Variants in FGF14 observed in about 807,000 individuals in gnomAD.
FGF14 encodes fibroblast growth factor homologous factor 4.
A neutral mutation model predicts 25.5 loss-of-function variants in FGF14; 5 were observed. That is an observed-to-expected ratio of 0.20 (90% CI 0.10 to 0.41). FGF14 has a LOEUF of 0.41. FGF14 is among the 10% of genes least tolerant of loss of function. FGF14 has a pLI of 1.00. For missense variants in FGF14, 222 were observed against 320.1 expected (o/e 0.69, Z 2.34); for synonymous variants, 138 against 118.3 (o/e 1.17, Z -1.08).
intron 1 of FGF14, among the ~76,000 whole-genome samples, chr13:101,876,177 A>G (rs1035892613): frequency 3.3e-5 from 5 of 152,174 alleles, no homozygotes; most frequent in Non-Finnish European, 5.9e-5. Flanking sequence ...CATCCACTCT[A>G]GTAATCCAGT....
Position 101,713,693 on chromosome 13 carries a change from T to A in FGF14, c.*9138A>T, listed in dbSNP as rs2034585018. Reference sequence around the variant, plus strand: ...TTTATTTTCTTTTATTTTAAATATATCATTAATAAAATTTTTACTCAGTAA... The same window carrying A: ...TTTATTTTCTTTTATTTTAAATATAACATTAATAAAATTTTTACTCAGTAA... On this transcript the variant is annotated 3_prime_UTR_variant, in exon 5 of 5. Coordinates refer to ENST00000376143, the MANE Select transcript of FGF14 (RefSeq NM_004115.4). 6.6e-6 allele frequency: 1 copy of A among 152,150 alleles called. No individual in the cohort carries two copies. The highest frequency in any genetic ancestry group is 2.1e-4 in the South Asian group (1 of 4,836). 9.4% of individuals were successfully genotyped at this position (152,150 alleles called of 1,614,324 possible). A position where few individuals can be genotyped will look rare whatever the true frequency, so the allele number is the denominator to read the frequency against.
chr13:101,925,213 T>A (rs948608429), intron 1 of FGF14, among the ~76,000 whole-genome samples: 2 of 152,242 alleles, frequency 1.3e-5, no homozygotes, highest in Non-Finnish European at 2.9e-5. Flanking sequence ...TGTTTTGGTA[T>A]ATTTTTCCAG....
At chr13:102,056,619 C>A (rs2042439807) in intron 1 of FGF14, among the ~76,000 whole-genome samples, 1 of 152,006 alleles carries the variant, frequency 6.6e-6, no homozygotes, top group Non-Finnish European at 1.5e-5. Flanking sequence ...AATAGTTGCA[C>A]ATGACAACTA....
Position 101,713,910 on chromosome 13 carries a change from G to C in FGF14, c.*8921C>G, listed in dbSNP as rs1403673974. Reference sequence around the variant, plus strand: ...AGGCAAATATACTGAGTGACTGTATGCATTTTTAGCACTTTAATTAGCCAC... The same window carrying C: ...AGGCAAATATACTGAGTGACTGTATCCATTTTTAGCACTTTAATTAGCCAC... On this transcript the variant is annotated 3_prime_UTR_variant, in exon 5 of 5. Coordinates refer to ENST00000376143, the MANE Select transcript of FGF14 (RefSeq NM_004115.4). 3 of 152,888 alleles carry C rather than the reference G, an allele frequency of 2.0e-5. No individual in the cohort carries two copies. The highest frequency in any genetic ancestry group is 4.4e-5 in the Non-Finnish European group (3 of 68,570). The allele number at this position is 152,888 out of a possible 1,614,324, so 9.5% of individuals were successfully genotyped here.
intron 1 of FGF14, among the ~76,000 whole-genome samples, chr13:102,123,884 A>G (rs1446767309): frequency 6.6e-6 from 1 of 152,204 alleles, no homozygotes; most frequent in East Asian, 1.9e-4. Flanking sequence ...GCCTAGAAAC[A>G]GACACATAAA....
intron 1 of FGF14, among the ~76,000 whole-genome samples, chr13:102,147,499 GCAGA>G (rs2046901648): frequency 6.6e-6 from 1 of 152,164 alleles, no homozygotes; most frequent in Non-Finnish European, 1.5e-5. Context: ...CACAAGGAAG[GCAGA>G]CAAACATATT....
intron 1 of FGF14, among the ~76,000 whole-genome samples, chr13:101,932,054 T>C (rs1230591598): frequency 1.3e-5 from 2 of 152,198 alleles, no homozygotes; most frequent in African/African-American, 4.8e-5. Flanking sequence ...TCCATTAAAA[T>C]TAAGGCAATA....
chr13:101,952,799 G>A (rs544039435), intron 1 of FGF14, among the ~76,000 whole-genome samples: 23 of 152,312 alleles, frequency 1.5e-4, no homozygotes, highest in Non-Finnish European at 2.6e-4. Context: ...AGGAGGCCAA[G>A]GCAGGCGGAT....
intron 1 of FGF14, among the ~76,000 whole-genome samples, chr13:101,883,225 A>G (rs1266458126): frequency 2.0e-5 from 3 of 152,190 alleles, no homozygotes; most frequent in African/African-American, 7.2e-5. Context: ...TATCACCAGG[A>G]AGTGATGCCT....
intron 1 of FGF14, chr13:102,367,744 T>C (rs903265321): frequency 3.9e-5 from 6 of 152,202 alleles, no homozygotes; most frequent in Non-Finnish European, 8.8e-5. Context: ...CAAGGATACA[T>C]GATCTAACCT....
chr13:101,949,456 G>A (rs2036020883), intron 1 of FGF14, among the ~76,000 whole-genome samples: 1 of 152,114 alleles, frequency 6.6e-6, no homozygotes, highest in Non-Finnish European at 1.5e-5. Flanking sequence ...TGAACGAGTG[G>A]TTCTTTGGAG....
chr13:102,286,734 A>G (rs2054118409), intron 1 of FGF14, among the ~76,000 whole-genome samples: 1 of 152,236 alleles, frequency 6.6e-6, no homozygotes, highest in South Asian at 2.1e-4. Context: ...ATTACAACAA[A>G]AGACTGTGAT....
intron 1 of FGF14, among the ~76,000 whole-genome samples, chr13:102,001,671 C>T (rs1370104392): frequency 6.6e-6 from 1 of 152,104 alleles, no homozygotes; most frequent in East Asian, 1.9e-4. Flanking sequence ...AAGTCCTATG[C>T]CAGGGACATC....
chr13:101,776,033 G>A (rs773564309), intron 3 of FGF14, among the ~76,000 whole-genome samples: 21 of 152,054 alleles, frequency 1.4e-4, no homozygotes, highest in Non-Finnish European at 1.8e-4. Context: ...TAGTCAACAG[G>A]GACTACCTTC....
chr13:102,075,453 T>A (rs1178736412), intron 1 of FGF14, among the ~76,000 whole-genome samples: 1 of 152,180 alleles, frequency 6.6e-6, no homozygotes, highest in Non-Finnish European at 1.5e-5. Flanking sequence ...CACAATGCAT[T>A]TCTCATGTGT....
intron 1 of FGF14, among the ~76,000 whole-genome samples, chr13:102,051,021 C>G (rs775593650): frequency 1.1e-4 from 16 of 152,200 alleles, no homozygotes; most frequent in Admixed American, 5.2e-4. Flanking sequence ...TTAGCTACCA[C>G]GTCTCCCAAA....
intron 1 of FGF14, among the ~76,000 whole-genome samples, chr13:102,216,433 G>A (rs978210687): frequency 2.6e-5 from 4 of 152,206 alleles, no homozygotes; most frequent in Non-Finnish European, 5.9e-5. Context: ...ATGTTACATG[G>A]AAGGCTCTAT....
chr13:102,069,800 A>C (rs1178118840), intron 1 of FGF14, among the ~76,000 whole-genome samples: 1 of 152,212 alleles, frequency 6.6e-6, no homozygotes, highest in Non-Finnish European at 1.5e-5. Context: ...TCATTCTTGA[A>C]GTCAGTGAGA....
chr13:102,147,255 T>C (rs1253482264), intron 1 of FGF14, among the ~76,000 whole-genome samples: 1 of 152,126 alleles, frequency 6.6e-6, no homozygotes, highest in Non-Finnish European at 1.5e-5. Context: ...CTGGAAGCAA[T>C]TGATAGGATT....
Sources: allele counts gnomAD v4.1 joint callset (sites outside exome capture counted in the v4.1 genomes callset), GRCh38; gene constraint gnomAD v4.1.1; transcripts MANE v1.5; gene names NCBI Gene and HGNC (gene_info 2026-07-23, HGNC 2026-07-21).